Variants in PBX1 observed in about 807,000 individuals in gnomAD.
PBX1 encodes the protein pre-B-cell leukemia transcription factor 1.
Under a neutral mutation model 53.4 loss-of-function variants are expected in PBX1, and 6 were observed. That is an observed-to-expected ratio of 0.11 (90% CI 0.06 to 0.22). The LOEUF (loss-of-function observed/expected upper bound fraction) is 0.22. Ranked by LOEUF, PBX1 falls within the 10% of genes least tolerant of loss-of-function variation. PBX1 has a pLI of 1.00. For synonymous variants in PBX1, 204 were observed against 212.3 expected, an observed-to-expected ratio of 0.96 and a Z score of 0.34; for missense variants, 251 against 551.4, an observed-to-expected ratio of 0.46 and a Z score of 5.46.
chr1:164,852,192 T>C (rs1307411342), downstream of PBX1, among the ~76,000 whole-genome samples: 29 of 152,198 alleles, frequency 1.9e-4, no homozygotes, highest in Admixed American at 1.8e-3. Context: ...TGATTCTCCT[T>C]TTCTTCTCTT....
chr1:164,718,867 G>A (rs1347220726), intron 2 of PBX1, among the ~76,000 whole-genome samples: 1 of 152,208 alleles, frequency 6.6e-6, no homozygotes, highest in Admixed American at 6.5e-5. Context: ...TGACTTGCAA[G>A]TAAGGCATAA....
At chr1:164,589,998 A>G (rs72694597) in intron 2 of PBX1, among the ~76,000 whole-genome samples, 10,644 of 152,156 alleles carry the variant, frequency 0.07, 515 homozygotes, top group African/African-American at 0.13. Context: ...GCTTGAGCCT[A>G]GGATTTCAAG....
chr1:164,715,228 C>T (rs981431666), intron 2 of PBX1, among the ~76,000 whole-genome samples: 1 of 152,176 alleles, frequency 6.6e-6, no homozygotes, highest in Non-Finnish European at 1.5e-5. Flanking sequence ...AAGTTGTGTG[C>T]ACATTCTCAG....
chr1:164,780,270 A>T (rs1358467310), intron 2 of PBX1, among the ~76,000 whole-genome samples: 1 of 151,978 alleles, frequency 6.6e-6, no homozygotes, highest in Non-Finnish European at 1.5e-5. Flanking sequence ...GAGCCTAATC[A>T]CTCCCATCTG....
At chr1:164,743,323 T>A (rs937294960) in intron 2 of PBX1, among the ~76,000 whole-genome samples, 33 of 152,190 alleles carry the variant, frequency 2.2e-4, no homozygotes, top group Non-Finnish European at 4.0e-4. Flanking sequence ...GTGTGTTTTT[T>A]AAATTTTTTT....
chr1:164,706,772 A>G (rs1663448787), intron 2 of PBX1, among the ~76,000 whole-genome samples: 1 of 152,156 alleles, frequency 6.6e-6, no homozygotes, highest in East Asian at 1.9e-4. Flanking sequence ...CCTACCCTCA[A>G]AAGCACTCAT....
At chr1:164,734,105 G>A (rs953782202) in intron 2 of PBX1, among the ~76,000 whole-genome samples, 4 of 152,106 alleles carry the variant, frequency 2.6e-5, no homozygotes, top group Admixed American at 1.3e-4. Context: ...GATTTTAATG[G>A]ACATTTGAAT....
chr1:164,792,818 A>C, intron 3 of PBX1, 80 bp downstream of exon 3: 1 of 1,082,440 alleles, frequency 9.2e-7, no homozygotes, highest in South Asian at 1.6e-5. Flanking sequence ...GCTTGCAGAG[A>C]GGAGCGGCTC....
intron 2 of PBX1, among the ~76,000 whole-genome samples, chr1:164,721,053 G>C (rs1319085716): frequency 1.3e-5 from 2 of 152,232 alleles, no homozygotes; most frequent in African/African-American, 4.8e-5. Flanking sequence ...GAACCAGTGA[G>C]AAGATGGCCG....
intron 3 of PBX1, among the ~76,000 whole-genome samples, chr1:164,796,902 G>A (rs1023973253): frequency 2.0e-5 from 3 of 152,214 alleles, no homozygotes; most frequent in Non-Finnish European, 4.4e-5. Context: ...CACATTGTGA[G>A]TGCCTGTCCT....
intron 2 of PBX1, among the ~76,000 whole-genome samples, chr1:164,776,359 G>A (rs761621891): frequency 1.3e-4 from 20 of 152,320 alleles, no homozygotes; most frequent in Admixed American, 7.2e-4. Flanking sequence ...AGCTGCTCTG[G>A]AAGGGGTACT....
chr1:164,589,336 A>C (rs531654831), intron 2 of PBX1, among the ~76,000 whole-genome samples: 1 of 152,088 alleles, frequency 6.6e-6, no homozygotes, highest in East Asian at 1.9e-4. Flanking sequence ...GGAAGAGAGT[A>C]TGGGATGATC....
chr1:164,651,432 C>G (rs1659810600), intron 2 of PBX1, among the ~76,000 whole-genome samples: 1 of 152,082 alleles, frequency 6.6e-6, no homozygotes, highest in South Asian at 2.1e-4. Context: ...CGTTTCCCTA[C>G]CCTCCGATGT....
In PBX1 at chr1:164,850,178, T is replaced by C; in HGVS notation, c.*3502T>C. ...GTGACAATGCGCATCATTCCTGCATTAGTTTTTAACACCAGACTACCTACA... is the reference window on the plus strand; with the variant it reads ...GTGACAATGCGCATCATTCCTGCATCAGTTTTTAACACCAGACTACCTACA... On this transcript the variant is annotated 3_prime_UTR_variant, in exon 9 of 9. Transcript: ENST00000420696. 4.4e-6 allele frequency: 1 copy of C among 227,748 alleles called. No individual in the cohort carries two copies. Among genetic ancestry groups the C allele is most frequent in the African/African-American group, 2.2e-5 (1 of 45,150 alleles). The allele number at this position is 227,748 out of a possible 1,614,324, so 14.1% of individuals were successfully genotyped here.
rs1378880899 is a variant in PBX1, at chr1:164,661,242, T to A, written c.265+97931T>A. ...AGTAATGGTGGGGAAGGAATACTGA[T>A]GTTTTGAACACCTGTGAATGAATCC... is the stretch of plus-strand genomic sequence containing the variant. On this transcript the variant is annotated intron_variant, in intron 2 of 8. Transcript: ENST00000420696. Among the ~76,000 whole-genome samples, 6 of 152,322 alleles carry A rather than the reference T, an allele frequency of 3.9e-5. No individual in the cohort carries two copies. In the South Asian group the frequency reaches 1.2e-3, roughly 32 times the overall value.
chr1:164,612,525 T>A (rs1657006018), intron 2 of PBX1, among the ~76,000 whole-genome samples: 1 of 152,194 alleles, frequency 6.6e-6, no homozygotes, highest in Admixed American at 6.5e-5. Flanking sequence ...GGAAACTGGC[T>A]ATGGCTTCCT....
At chr1:164,661,225 T>A (rs1195073632) in intron 2 of PBX1, among the ~76,000 whole-genome samples, 1 of 152,108 alleles carries the variant, frequency 6.6e-6, no homozygotes. Flanking sequence ...ATAGTAATGG[T>A]GGGGAAGGAA....
intron 2 of PBX1, among the ~76,000 whole-genome samples, chr1:164,703,547 T>C (rs1334807057): frequency 1.3e-5 from 2 of 152,184 alleles, no homozygotes; most frequent in African/African-American, 4.8e-5. Context: ...GGCTCCCTGC[T>C]CATTACCACG....
At chr1:164,804,364 C>T (rs1242548850) in intron 4 of PBX1, among the ~76,000 whole-genome samples, 1 of 151,998 alleles carries the variant, frequency 6.6e-6, no homozygotes, top group Non-Finnish European at 1.5e-5. Context: ...AATCTTTTTC[C>T]AGGAGGGCTT....
Sources: gnomAD v4.1 joint callset for allele counts (sites outside exome capture counted in the v4.1 genomes callset) on GRCh38, gnomAD v4.1.1 for gene constraint, MANE v1.5 for transcripts, NCBI Gene and HGNC (gene_info 2026-07-23, HGNC 2026-07-21) for gene names.